Variants in PATJ observed in about 807,000 individuals in gnomAD.
PATJ encodes PATJ crumbs cell polarity complex component.
A neutral mutation model predicts 224.9 loss-of-function variants in PATJ; 190 were observed. The observed-to-expected ratio is 0.84, with a 90% CI of 0.75 to 0.95. PATJ has a LOEUF of 0.95. Ranked by LOEUF, PATJ falls within the 40% of genes least tolerant of loss-of-function variation. PATJ has a pLI of 0.00. For missense variants in PATJ, 2,121 were observed against 2,270.3 expected (o/e 0.93, Z 1.34); for synonymous variants, 769 against 820.3 (o/e 0.94, Z 1.07).
chr1:62,026,042 A>C (rs1647829217), intron 29 of PATJ, among the ~76,000 whole-genome samples: 1 of 152,232 alleles, frequency 6.6e-6, no homozygotes, highest in South Asian at 2.1e-4. Context: ...GCTTTCTCCC[A>C]GCAGCCCTCA....
At chr1:61,840,203 A>ACTTTTAAAAAGTTTT (rs1660860180) in intron 17 of PATJ, among the ~76,000 whole-genome samples, 1 of 152,068 alleles carries the variant, frequency 6.6e-6, no homozygotes, top group Admixed American at 6.5e-5. Flanking sequence ...TAAAAGATTT[A>ACTTTTAAAAAGTTTT]TAAAAGTTGT....
intron 11 of PATJ, among the ~76,000 whole-genome samples, chr1:61,800,099 G>T (rs551028625): frequency 6.6e-6 from 1 of 152,096 alleles, no homozygotes; most frequent in East Asian, 1.9e-4. Flanking sequence ...TTTTCCTTTG[G>T]GTAGAAACCC....
At chr1:61,873,964 C>G (rs981307019) in intron 20 of PATJ, among the ~76,000 whole-genome samples, 1 of 152,132 alleles carries the variant, frequency 6.6e-6, no homozygotes, top group Non-Finnish European at 1.5e-5. Flanking sequence ...TTGCTGAGAG[C>G]TTTCTTTTTG....
At chr1:62,092,896 C>G (rs1660957199) in intron 33 of PATJ, among the ~76,000 whole-genome samples, 1 of 151,962 alleles carries the variant, frequency 6.6e-6, no homozygotes, top group Non-Finnish European at 1.5e-5. Flanking sequence ...CACGCGCGAC[C>G]ACACCCAGCT....
At chr1:61,952,418 T>C (rs1486782038) in intron 27 of PATJ, 3 of 717,274 alleles carry the variant, frequency 4.2e-6, no homozygotes, top group South Asian at 3.0e-5. Flanking sequence ...CCAGGTAAGA[T>C]TTCTGTTGCC....
chr1:62,101,259 C>CTTTT (rs916854253), intron 33 of PATJ, among the ~76,000 whole-genome samples: 105 of 122,622 alleles, frequency 8.6e-4, no homozygotes, highest in East Asian at 1.2e-3. Context: ...CTTTTCTTTT[C>CTTTT]TTTTTTTTTT....
chr1:61,862,477 G>A (rs142898248), intron 19 of PATJ, among the ~76,000 whole-genome samples: 5,072 of 152,252 alleles, frequency 0.033, 128 homozygotes, highest in Non-Finnish European at 0.048. Context: ...GATTACAGAC[G>A]TGAGCCACCA....
intron 33 of PATJ, chr1:62,100,262 A>G: frequency 4.6e-6 from 3 of 658,068 alleles, no homozygotes; most frequent in Non-Finnish European, 8.5e-6. Flanking sequence ...CTGCTGCTAT[A>G]ACAGAATATC....
At chr1:61,926,717 G>A (rs896921262) in intron 26 of PATJ, among the ~76,000 whole-genome samples, 4 of 151,986 alleles carry the variant, frequency 2.6e-5, no homozygotes, top group Admixed American at 6.6e-5. Context: ...GCTTTGGTTC[G>A]ACATTATCTT....
At chr1:62,099,792 C>T (rs1661917798) in intron 33 of PATJ, among the ~76,000 whole-genome samples, 1 of 152,116 alleles carries the variant, frequency 6.6e-6, no homozygotes, top group South Asian at 2.1e-4. Context: ...CAAAAGGGTA[C>T]TTATTGATAT....
At chr1:61,956,652 C>T (rs1327050797) in intron 27 of PATJ, among the ~76,000 whole-genome samples, 1 of 152,180 alleles carries the variant, frequency 6.6e-6, no homozygotes, top group East Asian at 1.9e-4. Context: ...AGGGATAAAA[C>T]ATGTTCATAG....
chr1:61,766,419 G>T lies in PATJ; in HGVS notation c.330G>T (p.Trp110Cys). Reference protein sequence around the residue: ...NNSTVSGLFPWTPKLGNEDFN... With the variant: ...NNSTVSGLFPCTPKLGNEDFN... ...CGACTGTATCTGGGTTATTTCCGTGGACCCCGAAGTTGGGAAATGAAGACT... is the reference window on the plus strand; with the variant it reads ...CGACTGTATCTGGGTTATTTCCGTGTACCCCGAAGTTGGGAAATGAAGACT... Residue 110 changes from tryptophan to cysteine, a missense_variant, in exon 4 of 44, where the codon TGG (tryptophan) becomes TGT (cysteine). Physicochemically the swap from Trp to Cys is radical, Grantham distance 215. Transcript: ENST00000642238. 6.2e-7 allele frequency: 1 copy of T among 1,611,210 alleles called. No homozygotes were observed. Among genetic ancestry groups the T allele is most frequent in the South Asian group, 1.1e-5 (1 of 90,106 alleles).
At chr1:61,890,894 A>G (rs191148177) in intron 22 of PATJ, among the ~76,000 whole-genome samples, 40 of 152,324 alleles carry the variant, frequency 2.6e-4, no homozygotes, top group Admixed American at 7.8e-4. Context: ...CAGGCTTAAT[A>G]TAACAGCCTT....
intron 27 of PATJ, among the ~76,000 whole-genome samples, chr1:61,983,009 A>G (rs1226997270): frequency 7.1e-6 from 1 of 140,414 alleles, no homozygotes; most frequent in Non-Finnish European, 1.6e-5. Flanking sequence ...ATAACCTTAT[A>G]TGAGATTTTC....
At chr1:62,146,369 G>A (rs1288371131) in intron 41 of PATJ, among the ~76,000 whole-genome samples, 1 of 152,202 alleles carries the variant, frequency 6.6e-6, no homozygotes, top group African/African-American at 2.4e-5. Flanking sequence ...ACAGTTTTAA[G>A]CAAAAGATTG....
chr1:61,943,066 A>G (rs181437003), intron 27 of PATJ, among the ~76,000 whole-genome samples: 10 of 152,336 alleles, frequency 6.6e-5, no homozygotes, highest in African/African-American at 1.9e-4. Context: ...ACAGTGGAAT[A>G]CTATTCAGCA....
intron 26 of PATJ, among the ~76,000 whole-genome samples, chr1:61,921,809 T>G (rs1038016600): frequency 2.0e-5 from 3 of 152,134 alleles, no homozygotes; most frequent in African/African-American, 7.2e-5. Context: ...AAGGAGGGAT[T>G]TAAAAAAGAC....
chr1:61,876,176 AAT>A (rs1667306536), intron 21 of PATJ, among the ~76,000 whole-genome samples: 3 of 152,222 alleles, frequency 2.0e-5, no homozygotes, highest in South Asian at 4.1e-4. Context: ...AATTCTAAAA[AAT>A]GGAATACTTA....
intron 8 of PATJ, 35 bp from the exon 9 acceptor site, chr1:61,791,313 A>G (rs1287646984): frequency 1.6e-6 from 2 of 1,224,202 alleles, no homozygotes; most frequent in Non-Finnish European, 2.4e-6. Context: ...GTATGCCACT[A>G]AGCATATATA....
Sources: allele counts gnomAD v4.1 joint callset (sites outside exome capture counted in the v4.1 genomes callset), GRCh38; gene constraint gnomAD v4.1.1; transcripts MANE v1.5; gene names NCBI Gene and HGNC (gene_info 2026-07-23, HGNC 2026-07-21).